Variants in SELENOF observed in about 807,000 individuals in gnomAD.
The protein encoded by SELENOF is 15 kDa selenoprotein.
In SELENOF, 16 loss-of-function variants were observed where a neutral mutation model predicts 20.5. The ratio of observed to expected loss-of-function variants is 0.78; its 90% CI spans 0.53 to 1.19. The LOEUF (loss-of-function observed/expected upper bound fraction) is 1.19. SELENOF is among the 50% of genes most tolerant of loss of function. The pLI, the probability that SELENOF is intolerant of heterozygous loss-of-function variation, is 0.00. For synonymous variants in SELENOF, 78 were observed against 74.5 expected, an observed-to-expected ratio of 1.05 and a Z score of -0.24; for missense variants, 215 against 194.2, an observed-to-expected ratio of 1.11 and a Z score of -0.64.
chr1:86,877,674 A>T (rs1476531513), intron 3 of SELENOF, among the ~76,000 whole-genome samples: 1 of 152,172 alleles, frequency 6.6e-6, no homozygotes, highest in African/African-American at 2.4e-5. Flanking sequence ...CATTATTTCA[A>T]AACTCCTTTT....
At chr1:86,865,583 A>G (rs1002607530) in intron 4 of SELENOF, among the ~76,000 whole-genome samples, 1 of 152,228 alleles carries the variant, frequency 6.6e-6, no homozygotes, top group African/African-American at 2.4e-5. Flanking sequence ...AGTACCTCAT[A>G]CCTATTAGGA....
upstream of SELENOF, chr1:86,914,523 A>C: frequency 4.6e-6 from 1 of 219,230 alleles, no homozygotes; most frequent in Non-Finnish European, 9.3e-6. Flanking sequence ...CTTCCGTCCA[A>C]TAAGCGGACC....
Position 86,863,553 on chromosome 1 carries a change from A to G in SELENOF, c.419T>C (p.Ile140Thr), listed in dbSNP as rs747794767. Residue 140 changes from isoleucine to threonine, a missense_variant, in exon 5 of 5, where the codon ATT becomes ACT. Transcript: ENST00000331835. ...VLKLLDDNGN[I>T]AEELSILKWN... Reference sequence around the variant, plus strand: ...TTTGAGAATGCTCAGTTCTTCAGCAATGTTCCCATTGTCGTCCAAAAGCTT... The same window carrying G: ...TTTGAGAATGCTCAGTTCTTCAGCAGTGTTCCCATTGTCGTCCAAAAGCTT... 1 of 1,613,700 alleles carries G rather than the reference A, an allele frequency of 6.2e-7. No homozygotes were observed. The highest frequency in any genetic ancestry group is 1.7e-5 in the Admixed American group (1 of 60,002).
intron 3 of SELENOF, among the ~76,000 whole-genome samples, chr1:86,871,680 T>TAAA (rs1658773617): frequency 6.6e-6 from 1 of 152,152 alleles, no homozygotes; most frequent in African/African-American, 2.4e-5. Flanking sequence ...GTATTTAATT[T>TAAA]CTCAATGTAA....
chr1:86,871,334 T>A (rs1257112290), intron 3 of SELENOF, among the ~76,000 whole-genome samples: 1 of 152,190 alleles, frequency 6.6e-6, no homozygotes, highest in Non-Finnish European at 1.5e-5. Context: ...GATCTTAGTA[T>A]GTTAGAGTCA....
intron 2 of SELENOF, among the ~76,000 whole-genome samples, chr1:86,900,221 G>A (rs1015153939): frequency 2.0e-5 from 3 of 151,974 alleles, no homozygotes; most frequent in African/African-American, 7.3e-5. Context: ...GGGCACTTTG[G>A]GAGGCCAAGG....
At chr1:86,874,623 T>C (rs1365834949) in intron 3 of SELENOF, among the ~76,000 whole-genome samples, 1 of 151,910 alleles carries the variant, frequency 6.6e-6, no homozygotes. Context: ...TCCTCCTCCT[T>C]GTTCTAGAAA....
intron 3 of SELENOF, among the ~76,000 whole-genome samples, chr1:86,879,322 CAG>C (rs1659002071): frequency 6.6e-6 from 1 of 152,104 alleles, no homozygotes; most frequent in Non-Finnish European, 1.5e-5. Flanking sequence ...ATAAATAAAT[CAG>C]AGTAAGAAAT....
intron 1 of SELENOF, among the ~76,000 whole-genome samples, chr1:86,909,511 T>C (rs1483114734): frequency 6.6e-6 from 1 of 152,144 alleles, no homozygotes; most frequent in East Asian, 1.9e-4. Context: ...ACTGGGGCCA[T>C]TTACGCTTCA....
intron 2 of SELENOF, among the ~76,000 whole-genome samples, chr1:86,889,177 T>A (rs989913549): frequency 3.9e-5 from 6 of 152,174 alleles, no homozygotes; most frequent in Non-Finnish European, 7.3e-5. Context: ...ATTTAAAATT[T>A]TTGCTTTACT....
At chr1:86,866,230 C>CTCTGTGTG (rs535243866) in intron 4 of SELENOF, among the ~76,000 whole-genome samples, 96 of 113,676 alleles carry the variant, frequency 8.4e-4, no homozygotes, top group Admixed American at 1.0e-3. Context: ...GTGTGTGTCT[C>CTCTGTGTG]TGTGTGTGTG....
At chr1:86,875,203 T>C (rs1434360549) in intron 3 of SELENOF, among the ~76,000 whole-genome samples, 1 of 150,726 alleles carries the variant, frequency 6.6e-6, no homozygotes, top group East Asian at 1.9e-4. Context: ...ATCACGCCAC[T>C]GCACTCCAGC....
chr1:86,900,156 C>A (rs947599989), intron 2 of SELENOF, among the ~76,000 whole-genome samples: 1 of 151,956 alleles, frequency 6.6e-6, no homozygotes, highest in Admixed American at 6.5e-5. Context: ...GGCGGCCAGG[C>A]GGAGACGCTC....
chr1:86,906,142 A>G (rs2102129726), intron 1 of SELENOF, among the ~76,000 whole-genome samples: 1 of 152,356 alleles, frequency 6.6e-6, no homozygotes, highest in Non-Finnish European at 1.5e-5. Context: ...ATTTTTCAAA[A>G]CAGATGAGAC....
At chr1:86,909,716 T>C (rs1387995132) in intron 1 of SELENOF, among the ~76,000 whole-genome samples, 2 of 152,092 alleles carry the variant, frequency 1.3e-5, no homozygotes, top group African/African-American at 2.4e-5. Flanking sequence ...TAAAGTATGA[T>C]GATACAAGGC....
At chr1:86,867,304 A>G (rs1658625310) in intron 4 of SELENOF, among the ~76,000 whole-genome samples, 1 of 152,096 alleles carries the variant, frequency 6.6e-6, no homozygotes, top group Non-Finnish European at 1.5e-5. Context: ...CAGCCTGACC[A>G]ATGTGGCGAA....
intron 1 of SELENOF, among the ~76,000 whole-genome samples, chr1:86,909,325 A>C (rs573772914): frequency 1.3e-5 from 2 of 152,216 alleles, no homozygotes; most frequent in Non-Finnish European, 2.9e-5. Context: ...TTACTACAGA[A>C]GAGACATGAA....
chr1:86,862,820 T>G lies in SELENOF; in HGVS notation c.*654A>C, dbSNP rs539798517. 6.6e-6 allele frequency: 1 copy of G among 152,478 alleles called. No homozygotes were observed. The highest frequency in any genetic ancestry group is 2.4e-5 in the African/African-American group (1 of 41,456). 9.4% of individuals were successfully genotyped at this position (152,478 alleles called of 1,614,324 possible). On this transcript the variant is annotated 3_prime_UTR_variant, in exon 5 of 5. Transcript: ENST00000331835. The stretch of plus-strand genomic sequence containing the variant: ...GTAAAACTCAAAAATTTGCCAAGTA[T>G]GTATCTGATCCACACAAATCCCTAG...
chr1:86,910,432 G>A (rs1323188373), intron 1 of SELENOF, among the ~76,000 whole-genome samples: 3 of 152,202 alleles, frequency 2.0e-5, no homozygotes, highest in East Asian at 1.9e-4. Context: ...CTGGCTGGGC[G>A]CGGTGGCTCA....
Sources: allele counts gnomAD v4.1 joint callset (sites outside exome capture counted in the v4.1 genomes callset), GRCh38; gene constraint gnomAD v4.1.1; transcripts MANE v1.5; gene names NCBI Gene and HGNC (gene_info 2026-07-23, HGNC 2026-07-21).